Variants in GPHN observed in about 807,000 individuals in gnomAD.
The protein encoded by GPHN is gephyrin.
In GPHN, 17 loss-of-function variants were observed where a neutral mutation model predicts 95.5. The ratio of observed to expected loss-of-function variants is 0.18; its 90% CI spans 0.12 to 0.27. The LOEUF is 0.27. Ranked by LOEUF, GPHN falls within the 10% of genes least tolerant of loss-of-function variation. The probability of loss-of-function intolerance (pLI) is 1.00; values close to 1 mark genes in which losing one functional copy is unlikely to be tolerated. For synonymous variants in GPHN, 320 were observed against 322.5 expected (o/e 0.99, Z 0.08); for missense variants, 660 against 978.1 (o/e 0.67, Z 4.34).
chr14:67,321,735 G>A, the GPHN span, among the ~76,000 whole-genome samples: 1 of 152,116 alleles, frequency 6.6e-6, no homozygotes, highest in Non-Finnish European at 1.5e-5. Flanking sequence ...TTCCACTTGT[G>A]CTGTCATGTC....
intron 18 of GPHN, among the ~76,000 whole-genome samples, chr14:67,152,643 C>G (rs926820612): frequency 2.0e-5 from 3 of 152,156 alleles, no homozygotes; most frequent in African/African-American, 7.2e-5. Context: ...CTCCACTGGG[C>G]AGAATTCATT....
At chr14:67,539,623 C>T in the GPHN span, among the ~76,000 whole-genome samples, 6 of 152,086 alleles carry the variant, frequency 3.9e-5, no homozygotes, top group Admixed American at 2.0e-4. Context: ...ATCCTAGAAA[C>T]GATTTCTGCC....
chr14:66,957,122 A>T (rs1394439631), intron 8 of GPHN, among the ~76,000 whole-genome samples: 1 of 96,998 alleles, frequency 1.0e-5, no homozygotes, highest in Non-Finnish European at 2.7e-5. Context: ...AATAATAATA[A>T]AAAAAAAAGA....
At chr14:66,685,963 T>A (rs545121762) in intron 2 of GPHN, among the ~76,000 whole-genome samples, 21 of 151,390 alleles carry the variant, frequency 1.4e-4, no homozygotes, top group African/African-American at 7.3e-5. Context: ...CTTTCTACAT[T>A]TGGCTAGCCA....
chr14:67,722,816 A>G, the GPHN span: 1 of 980,708 alleles, frequency 1.0e-6, no homozygotes, highest in Admixed American at 1.7e-5. Context: ...GACAGAGGAG[A>G]AAGTCAGGGC....
intron 11 of GPHN, among the ~76,000 whole-genome samples, chr14:67,071,166 A>G (rs1008647479): frequency 6.6e-6 from 1 of 152,246 alleles, no homozygotes. Context: ...TGATGCTGCT[A>G]TAAAGACTCA....
intron 2 of GPHN, among the ~76,000 whole-genome samples, chr14:66,749,694 C>T (rs1380310068): frequency 6.6e-6 from 1 of 151,740 alleles, no homozygotes; most frequent in Non-Finnish European, 1.5e-5. Context: ...TAGAGTTGTT[C>T]ATTTTCTTAT....
the GPHN span, chr14:67,360,194 T>C: frequency 2.2e-5 from 9 of 403,256 alleles, no homozygotes; most frequent in African/African-American, 1.6e-4. Flanking sequence ...AAAGCTAAGA[T>C]AGCGAGAAAC....
intron 11 of GPHN, among the ~76,000 whole-genome samples, chr14:67,061,708 C>G (rs1373511305): frequency 2.6e-5 from 4 of 152,062 alleles, no homozygotes; most frequent in Non-Finnish European, 5.9e-5. Flanking sequence ...GACTAGGTCT[C>G]ACTATGTTTC....
chr14:67,415,436 G>GT, the GPHN span, among the ~76,000 whole-genome samples: 1 of 152,010 alleles, frequency 6.6e-6, no homozygotes, highest in Non-Finnish European at 1.5e-5. Flanking sequence ...AAATATCTCT[G>GT]TACATACACA....
the GPHN span, chr14:67,662,546 T>TA: frequency 6.2e-7 from 1 of 1,601,986 alleles, no homozygotes; most frequent in Non-Finnish European, 8.5e-7. Flanking sequence ...CTAGAAAAGA[T>TA]AGATAAGTTT....
At chr14:67,188,671 C>T in the GPHN span, among the ~76,000 whole-genome samples, 191 of 152,240 alleles carry the variant, frequency 1.3e-3, no homozygotes, top group Non-Finnish European at 1.6e-3. Flanking sequence ...GGGAACCACT[C>T]GGACAAGTGC....
At chr14:67,603,680 G>T in the GPHN span, among the ~76,000 whole-genome samples, 11 of 152,164 alleles carry the variant, frequency 7.2e-5, no homozygotes, top group Non-Finnish European at 1.5e-4. Context: ...TGCTTTGTGG[G>T]TTGTTTGTTT....
the GPHN span, among the ~76,000 whole-genome samples, chr14:67,477,936 A>G: frequency 6.6e-6 from 1 of 152,146 alleles, no homozygotes; most frequent in Non-Finnish European, 1.5e-5. Context: ...AGTTCCTGAG[A>G]GTGAGGGCCT....
chr14:67,603,272 G>C, the GPHN span, among the ~76,000 whole-genome samples: 1 of 152,102 alleles, frequency 6.6e-6, no homozygotes, highest in African/African-American at 2.4e-5. Flanking sequence ...ATCTCACTAT[G>C]TTTCCCAGGC....
intron 1 of GPHN, among the ~76,000 whole-genome samples, chr14:66,548,623 C>G (rs558280216): frequency 6.6e-6 from 1 of 152,182 alleles, no homozygotes; most frequent in East Asian, 1.9e-4. Context: ...CCCTGAGATA[C>G]AAAATATTCC....
At chr14:67,237,874 G>C in the GPHN span, among the ~76,000 whole-genome samples, 1 of 149,812 alleles carries the variant, frequency 6.7e-6, no homozygotes, top group South Asian at 2.1e-4. Context: ...CCTTCTGACA[G>C]GGGGGTTTAA....
chr14:67,508,142 A>T, the GPHN span, among the ~76,000 whole-genome samples: 1 of 151,254 alleles, frequency 6.6e-6, no homozygotes, highest in African/African-American at 2.4e-5. Context: ...TCTCAAAAAA[A>T]AAAAAAAGAG....
At chr14:66,664,900 C>G (rs938441365) in intron 1 of GPHN, among the ~76,000 whole-genome samples, 2 of 150,370 alleles carry the variant, frequency 1.3e-5, no homozygotes, top group Non-Finnish European at 3.0e-5. Flanking sequence ...CATATACACC[C>G]TACCAAAAGT....
Sources: allele counts gnomAD v4.1 joint callset (sites outside exome capture counted in the v4.1 genomes callset), GRCh38; gene constraint gnomAD v4.1.1; transcripts MANE v1.5; gene names NCBI Gene and HGNC (gene_info 2026-07-23, HGNC 2026-07-21).